The following SORCS2 variants were observed in gnomAD, a reference collection of about 807,000 sequenced individuals.
SORCS2 encodes sortilin related VPS10 domain containing receptor 2, also known as VPS10 domain-containing receptor SorCS2.
In SORCS2, 100 loss-of-function variants were observed where a neutral mutation model predicts 141.6. That is an observed-to-expected ratio of 0.71 (90% CI 0.60 to 0.83). The LOEUF is 0.83. Ranked by LOEUF, SORCS2 falls within the 40% of genes least tolerant of loss-of-function variation. The pLI, the probability that SORCS2 is intolerant of heterozygous loss-of-function variation, is 0.00. For missense variants in SORCS2, 1,646 were observed against 1,560.2 expected (o/e 1.05, Z -0.93); for synonymous variants, 789 against 676.9 (o/e 1.17, Z -2.57).
At chr4:7,372,161 CAGA>C (rs1722298034) in intron 1 of SORCS2, among the ~76,000 whole-genome samples, 1 of 152,102 alleles carries the variant, frequency 6.6e-6, no homozygotes, top group Admixed American at 6.5e-5. Context: ...CCCCAGAAGC[CAGA>C]AGGTGTGTGG....
intron 3 of SORCS2, among the ~76,000 whole-genome samples, chr4:7,578,996 TG>T (rs1450788401): frequency 4.6e-5 from 7 of 152,176 alleles, no homozygotes; most frequent in African/African-American, 1.4e-4. Context: ...CACAAGTCTG[TG>T]CATCTCACAG....
chr4:7,695,943 GAT>G (rs1255030330), intron 11 of SORCS2, among the ~76,000 whole-genome samples: 2 of 133,304 alleles, frequency 1.5e-5, no homozygotes, highest in African/African-American at 5.1e-5. Context: ...TGGGTGGGTG[GAT>G]GGATGGATGG....
chr4:7,542,779 G>A (rs1371212769), intron 3 of SORCS2, among the ~76,000 whole-genome samples: 2 of 152,230 alleles, frequency 1.3e-5, no homozygotes, highest in Admixed American at 1.3e-4. Flanking sequence ...TTTTGCAGAT[G>A]GGGAGGCCAA....
intron 2 of SORCS2, among the ~76,000 whole-genome samples, chr4:7,426,756 G>A (rs1237722451): frequency 6.6e-6 from 1 of 152,160 alleles, no homozygotes; most frequent in Non-Finnish European, 1.5e-5. Context: ...GCTGTGGGCT[G>A]GTCAGTGGCT....
At chr4:7,725,055 G>C (rs926493553) in intron 19 of SORCS2, 99 bp from the exon 20 acceptor site, 2 of 1,310,528 alleles carry the variant, frequency 1.5e-6, no homozygotes, top group Admixed American at 1.9e-5. Context: ...TGGTGGTGAT[G>C]ATAGCAATGA....
chr4:7,611,805 G>A (rs531620091), intron 3 of SORCS2, among the ~76,000 whole-genome samples: 1 of 152,372 alleles, frequency 6.6e-6, no homozygotes, highest in Non-Finnish European at 1.5e-5. Context: ...TCATACACTT[G>A]CTTACACATT....
At chr4:7,477,209 G>A (rs1404875864) in intron 2 of SORCS2, among the ~76,000 whole-genome samples, 1 of 151,202 alleles carries the variant, frequency 6.6e-6, no homozygotes, top group East Asian at 1.9e-4. Flanking sequence ...CACCAAGGCA[G>A]GTCCAAATCT....
At chr4:7,557,806 A>T (rs890906783) in intron 3 of SORCS2, among the ~76,000 whole-genome samples, 14 of 152,186 alleles carry the variant, frequency 9.2e-5, no homozygotes, top group South Asian at 2.1e-4. Context: ...CTTGGGGAGG[A>T]AATGGAAGTG....
intron 3 of SORCS2, among the ~76,000 whole-genome samples, chr4:7,558,004 G>A (rs1714261472): frequency 6.6e-6 from 1 of 152,200 alleles, no homozygotes; most frequent in Non-Finnish European, 1.5e-5. Flanking sequence ...TCAGCCAGAT[G>A]CAGTTCACAG....
chr4:7,529,998 C>A (rs1203743101), intron 2 of SORCS2, among the ~76,000 whole-genome samples: 1 of 152,130 alleles, frequency 6.6e-6, no homozygotes, highest in Non-Finnish European at 1.5e-5. Flanking sequence ...CTAGGAGAAA[C>A]CTTGTGACCC....
intron 1 of SORCS2, among the ~76,000 whole-genome samples, chr4:7,212,027 TC>T (rs1728087933): frequency 6.6e-6 from 1 of 152,206 alleles, no homozygotes; most frequent in Admixed American, 6.5e-5. Flanking sequence ...GGCCTGAATT[TC>T]CATGGCTGCC....
intron 3 of SORCS2, among the ~76,000 whole-genome samples, chr4:7,620,337 G>T (rs1042111317): frequency 1.3e-5 from 2 of 152,178 alleles, no homozygotes; most frequent in Non-Finnish European, 2.9e-5. Flanking sequence ...GCGAGTGTCC[G>T]GCAGTCTCTC....
At chr4:7,739,163 A>G (rs1712444476) in intron 26 of SORCS2, among the ~76,000 whole-genome samples, 2 of 152,142 alleles carry the variant, frequency 1.3e-5, no homozygotes, top group Admixed American at 6.5e-5. Flanking sequence ...ACTTAGTGAA[A>G]AGAGGTGGAG....
At chr4:7,638,105 A>G (rs746124103) in intron 3 of SORCS2, among the ~76,000 whole-genome samples, 34 of 152,054 alleles carry the variant, frequency 2.2e-4, no homozygotes, top group Non-Finnish European at 1.3e-4. Context: ...ATGGATGGCT[A>G]TAGTTAGGCT....
At chr4:7,493,829 A>G (rs1731448955) in intron 2 of SORCS2, among the ~76,000 whole-genome samples, 1 of 152,254 alleles carries the variant, frequency 6.6e-6, no homozygotes, top group Admixed American at 6.5e-5. Context: ...ATTCCTTTTT[A>G]TGATTTTAAT....
chr4:7,328,747 T>C (rs1348745693), intron 1 of SORCS2, among the ~76,000 whole-genome samples: 1 of 152,132 alleles, frequency 6.6e-6, no homozygotes, highest in Non-Finnish European at 1.5e-5. Flanking sequence ...TGGAGACAAG[T>C]CCTGGTCTTG....
At chr4:7,435,176 G>A (rs1029699021) in intron 2 of SORCS2, among the ~76,000 whole-genome samples, 2 of 152,098 alleles carry the variant, frequency 1.3e-5, no homozygotes. Flanking sequence ...CTGGCCCCTG[G>A]GCTGTGTCCC....
intron 2 of SORCS2, among the ~76,000 whole-genome samples, chr4:7,447,913 C>T (rs59570981): frequency 0.053 from 8,058 of 152,050 alleles, 302 homozygotes; most frequent in African/African-American, 0.11. Flanking sequence ...CCTCCCTCCG[C>T]CCCTAGATGT....
At chr4:7,638,628 G>T (rs1720428568) in intron 4 of SORCS2, 136 bp downstream of exon 4, 1 of 904,164 alleles carries the variant, frequency 1.1e-6, no homozygotes, top group Non-Finnish European at 1.6e-6. Flanking sequence ...CGGGGCTGGG[G>T]GCCGGGATGC....
Sources: gnomAD v4.1 joint callset for allele counts (sites outside exome capture counted in the v4.1 genomes callset) on GRCh38, gnomAD v4.1.1 for gene constraint, MANE v1.5 for transcripts, NCBI Gene and HGNC (gene_info 2026-07-23, HGNC 2026-07-21) for gene names.